Variants in MCM10 observed in about 807,000 individuals in gnomAD.
The protein encoded by MCM10 is protein MCM10 homolog.
Under a neutral mutation model 109.9 loss-of-function variants are expected in MCM10, and 91 were observed. The observed-to-expected ratio is 0.83, with a 90% CI of 0.70 to 0.99. The LOEUF (loss-of-function observed/expected upper bound fraction) is 0.99. Ranked by LOEUF, MCM10 falls within the 50% of genes least tolerant of loss-of-function variation. The pLI, the probability that MCM10 is intolerant of heterozygous loss-of-function variation, is 0.00. For synonymous variants in MCM10, 380 were observed against 387.2 expected (o/e 0.98, Z 0.22); for missense variants, 1,077 against 1,061.2 (o/e 1.01, Z -0.21).
intron 17 of MCM10, among the ~76,000 whole-genome samples, chr10:13,202,426 A>C (rs1307549512): frequency 6.6e-6 from 1 of 152,180 alleles, no homozygotes; most frequent in Non-Finnish European, 1.5e-5. Flanking sequence ...ATTTGTTCCC[A>C]CTATCCCTGT....
chr10:13,172,806 G>A lies in MCM10; in HGVS notation c.592+41G>A, dbSNP rs1564382137. On this transcript the variant is annotated intron_variant, in intron 5 of 19. Coordinates refer to ENST00000378714, the MANE Select transcript of MCM10 (RefSeq NM_018518.5). The surrounding 1 kb of genome is among the most constrained non-coding windows in gnomAD (Gnocchi z 5.2). The stretch of plus-strand genomic sequence containing the variant: ...TCTCAGTATCTTGGCACTATTGTAT[G>A]TGTTTATGTGTGTGGGGGTGTTCAT... The A allele has an allele frequency of 6.2e-7, 1 of 1,602,280 alleles. No homozygotes were observed. The highest frequency in any genetic ancestry group is 1.7e-5 in the Admixed American group (1 of 59,804).
intron 6 of MCM10, among the ~76,000 whole-genome samples, chr10:13,179,001 T>A (rs1265250233): frequency 6.6e-6 from 1 of 152,226 alleles, no homozygotes; most frequent in Non-Finnish European, 1.5e-5. Context: ...CTTTTTCAGA[T>A]TGTTCGTTGT....
chr10:13,203,617 A>G (rs1356997906), intron 17 of MCM10, among the ~76,000 whole-genome samples: 1 of 152,150 alleles, frequency 6.6e-6, no homozygotes, highest in Admixed American at 6.5e-5. Flanking sequence ...AGCTCAGTGT[A>G]ATTCCCGGAA....
At chr10:13,191,488 A>G in intron 11 of MCM10, 89 bp downstream of exon 11, 1 of 994,552 alleles carries the variant, frequency 1.0e-6, no homozygotes, top group Non-Finnish European at 1.6e-6. Context: ...TACAGGGTAC[A>G]CTGCTCCGGT....
chr10:13,182,110 T>A lies in MCM10; in HGVS notation c.931-823T>A, dbSNP rs1475942647. 6.6e-6 allele frequency among the ~76,000 whole-genome samples: 1 copy of A among 152,226 alleles called. No homozygotes were observed. Among genetic ancestry groups the A allele is most frequent in the Non-Finnish European group, 1.5e-5 (1 of 68,036 alleles). ...TTAAGGTTAAACTCAACCAGTTTTC[T>A]TGAAATGATGCTTTTGTAAGCTAAG... On this transcript the variant is annotated intron_variant, in intron 7 of 19. Coordinates refer to ENST00000378714, the MANE Select transcript of MCM10 (RefSeq NM_018518.5). This position sits in a 1 kb window ranked among gnomAD's most constrained non-coding sequence, Gnocchi z 4.2.
At chr10:13,180,042 C>T (rs970441301) in intron 6 of MCM10, among the ~76,000 whole-genome samples, 4 of 152,180 alleles carry the variant, frequency 2.6e-5, no homozygotes, top group South Asian at 2.1e-4. Flanking sequence ...TCGCTTGAGG[C>T]CAGGAGTTTG....
chr10:13,195,418 A>T, intron 14 of MCM10, 149 bp downstream of exon 14: 1 of 625,178 alleles, frequency 1.6e-6, no homozygotes, highest in Non-Finnish European at 2.7e-6. Context: ...TAATACTAAA[A>T]GAAAGTTAGA....
chr10:13,163,641 G>C (rs538988552), intron 1 of MCM10, among the ~76,000 whole-genome samples: 2 of 152,218 alleles, frequency 1.3e-5, no homozygotes, highest in African/African-American at 4.8e-5. Context: ...GTGTATTACA[G>C]TGAATAAAAT....
chr10:13,209,482 A>G lies in MCM10; in HGVS notation c.*172A>G, dbSNP rs1365753337. ...TCTGCCATTGGGTTGGTTTGATACC[A>G]CATTTAACATTGACATTTAAGTGGA... On this transcript the variant is annotated 3_prime_UTR_variant, in exon 20 of 20. Transcript: ENST00000378714. The G allele has an allele frequency of 4.9e-6, 3 of 607,164 alleles. No homozygotes were observed. The highest frequency in any genetic ancestry group is 8.8e-6 in the Non-Finnish European group (3 of 340,534). The allele number at this position is 607,164 out of a possible 1,614,324, so 37.6% of individuals were successfully genotyped here.
intron 14 of MCM10, among the ~76,000 whole-genome samples, chr10:13,197,151 G>A (rs1312785954): frequency 6.6e-6 from 1 of 151,976 alleles, no homozygotes; most frequent in Non-Finnish European, 1.5e-5. Context: ...TTAAACTCCC[G>A]AGCTCAAGAA....
intron 6 of MCM10, among the ~76,000 whole-genome samples, chr10:13,179,728 TA>T (rs1041253942): frequency 6.6e-6 from 1 of 152,066 alleles, no homozygotes; most frequent in Non-Finnish European, 1.5e-5. Flanking sequence ...ATGTTGTCTT[TA>T]AAAAAAATTC....
Position 13,194,983 on chromosome 10 carries a change from C to T in MCM10, c.1746-58C>T, listed in dbSNP as rs546365053. On this transcript the variant is annotated intron_variant, in intron 13 of 19. Transcript: ENST00000378714. ...GCCGCCTCCCAGTCCACTTTGAGTT[C>T]TAGAGTTTTTATTTTCGTAAACCCT... 68 of 1,525,848 alleles carry T rather than the reference C, an allele frequency of 4.5e-5. No homozygotes were observed. In the South Asian group the frequency reaches 6.6e-4, roughly 15 times the overall value. The allele number at this position is 1,525,848 out of a possible 1,614,324, so 94.5% of individuals were successfully genotyped here. A position where few individuals can be genotyped will look rare whatever the true frequency, so the allele number is the denominator to read the frequency against.
At chr10:13,208,960 A>G (rs1039131797) in intron 18 of MCM10, 131 bp from the exon 19 acceptor site, 5 of 712,656 alleles carry the variant, frequency 7.0e-6, no homozygotes, top group East Asian at 2.5e-5. Context: ...TTTGGCATAC[A>G]ATACGAATGT....
chr10:13,169,648 A>G (rs1834044429), intron 2 of MCM10, among the ~76,000 whole-genome samples: 2 of 152,238 alleles, frequency 1.3e-5, no homozygotes, highest in African/African-American at 2.4e-5. Context: ...GAGGTGTGAT[A>G]CAGTCTTATT....
At position 13,210,074 on chromosome 10, in the gene MCM10, G is replaced by T. The variant is rs1227880858; in HGVS notation, c.*764G>T. ...TTTTTTTAATTTTTTTATTTTTTAT[G>T]ACAGGGTCTCACTATGTCACCCTGG... On this transcript the variant is annotated 3_prime_UTR_variant, in exon 20 of 20. Transcript: ENST00000378714. 1.3e-5 allele frequency: 2 copies of T among 150,686 alleles called. No homozygotes were observed. The highest frequency in any genetic ancestry group is 2.9e-5 in the Non-Finnish European group (2 of 67,800). The allele number at this position is 150,686 out of a possible 1,614,324, so 9.3% of individuals were successfully genotyped here. A position where few individuals can be genotyped will look rare whatever the true frequency, so the allele number is the denominator to read the frequency against.
In MCM10 at chr10:13,210,567, G is replaced by C. The variant is rs779164512; in HGVS notation, c.*1257G>C. 2 of 152,132 alleles carry C rather than the reference G, an allele frequency of 1.3e-5. No homozygotes were observed. Among genetic ancestry groups the C allele is most frequent in the Non-Finnish European group, 2.9e-5 (2 of 68,024 alleles). The allele number at this position is 152,132 out of a possible 1,614,324, so 9.4% of individuals were successfully genotyped here. A position where few individuals can be genotyped will look rare whatever the true frequency, so the allele number is the denominator to read the frequency against. ...ATAACACTTTTGGGAGGTTGTTGTG[G>C]GAGATGGTTGATTTAGGTTTTCAAA... is the stretch of plus-strand genomic sequence containing the variant. On this transcript the variant is annotated 3_prime_UTR_variant, in exon 20 of 20. Transcript: ENST00000378714.
Position 13,166,436 on chromosome 10 carries a change from G to A in MCM10, c.7+2227G>A, listed in dbSNP as rs544342039. 3.6e-4 allele frequency among the ~76,000 whole-genome samples: 55 copies of A among 152,052 alleles called. 1 individual carries two copies. Among genetic ancestry groups the A allele is most frequent in the African/African-American group, 1.3e-3 (53 of 41,404 alleles). ...GGATCACCTGAGGTCAGGAGTTCGA[G>A]ACCAGCCTGACCAACATGGAGAAAC... On this transcript the variant is annotated intron_variant, in intron 2 of 19. Transcript: ENST00000378714.
intron 18 of MCM10, 194 bp downstream of exon 18, chr10:13,204,558 A>G: frequency 1.7e-6 from 1 of 604,818 alleles, no homozygotes; most frequent in Non-Finnish European, 2.8e-6. Context: ...TGCTGTCCCC[A>G]ACACCTAATA....
intron 2 of MCM10, among the ~76,000 whole-genome samples, chr10:13,166,975 C>CA (rs1456130466): frequency 2.0e-5 from 3 of 151,398 alleles, no homozygotes; most frequent in African/African-American, 4.9e-5. Flanking sequence ...CCCATTTCTA[C>CA]AAAAAAATAT....
Sources: gnomAD v4.1 joint callset for allele counts (sites outside exome capture counted in the v4.1 genomes callset) on GRCh38, gnomAD v4.1.1 for gene constraint, Gnocchi (gnomAD v3.1) non-coding constraint, MANE v1.5 for transcripts, NCBI Gene and HGNC (gene_info 2026-07-23, HGNC 2026-07-21) for gene names.